SERINC2: variants seen among roughly 807,000 people sequenced by gnomAD.
SERINC2 encodes the protein tumor differentially expressed protein 2.
In SERINC2, 56 loss-of-function variants were observed where a neutral mutation model predicts 54.2. That is an observed-to-expected ratio of 1.03 (90% CI 0.83 to 1.29). The LOEUF (loss-of-function observed/expected upper bound fraction) is 1.29, where lower values mean the gene tolerates loss of function less well. Among genes scored for constraint, SERINC2 ranks in the 50% most tolerant of loss-of-function variants. The pLI is 0.00. For missense variants in SERINC2, 614 were observed against 607.4 expected (o/e 1.01, Z -0.12); for synonymous variants, 272 against 253.1 (o/e 1.07, Z -0.71).
In SERINC2 at chr1:31,426,841, C is replaced by T; in HGVS notation, c.780+18C>T. On this transcript the variant is annotated intron_variant, in intron 6 of 9. Coordinates refer to ENST00000373709, the MANE Select transcript of SERINC2 (RefSeq NM_178865.5). Reference sequence around the variant, plus strand: ...AGGTCCAGGTGAGCCTGCCTGACCCCCCCTGGCCTGAAGCCCGGCCCCTTA... The same window carrying T: ...AGGTCCAGGTGAGCCTGCCTGACCCTCCCTGGCCTGAAGCCCGGCCCCTTA... 5.6e-6 allele frequency: 9 copies of T among 1,608,358 alleles called. No individual in the cohort carries two copies. The highest frequency in any genetic ancestry group is 7.7e-6 in the Non-Finnish European group (9 of 1,176,110).
chr1:31,423,880 G>A lies in SERINC2; in HGVS notation c.201+26G>A, dbSNP rs201204224. The A allele has an allele frequency of 1.9e-4, 301 of 1,606,908 alleles. 2 individuals are homozygous for A. The East Asian group carries it at 5.7e-3, about 30-fold the overall frequency. ...GTGAGTGCCCCAGGGGAGGCAGGGC[G>A]GCCTCCAGCGAGGGGCGTCAGTGGC... On this transcript the variant is annotated intron_variant, in intron 2 of 9. Transcript: ENST00000373709.
At chr1:31,433,995 A>G in intron 9 of SERINC2, 69 bp from the exon 10 acceptor site, 1 of 1,537,012 alleles carries the variant, frequency 6.5e-7, no homozygotes, top group South Asian at 1.2e-5. Flanking sequence ...ACTGGGACAT[A>G]AGGCCAGGGG....
At chr1:31,430,751 A>G (rs1553134336) in intron 8 of SERINC2, among the ~76,000 whole-genome samples, 2 of 152,184 alleles carry the variant, frequency 1.3e-5, no homozygotes, top group African/African-American at 4.8e-5. Flanking sequence ...TCATAAGATT[A>G]GGTTTAATTA....
At chr1:31,410,189 CT>C (rs1640624596), upstream of SERINC2, 10 of 1,437,252 alleles carry the variant, frequency 7.0e-6, no homozygotes, top group Non-Finnish European at 9.1e-6. Context: ...CACATAGCTG[CT>C]GACTGTGACT....
chr1:31,422,096 T>C (rs1380946571), intron 1 of SERINC2, among the ~76,000 whole-genome samples: 1 of 151,946 alleles, frequency 6.6e-6, no homozygotes, highest in East Asian at 1.9e-4. Flanking sequence ...CCCAGGAGTT[T>C]GAGACCAGTC....
Position 31,428,990 on chromosome 1 carries a change from A to T in SERINC2, c.793A>T (p.Asn265Tyr), listed in dbSNP as rs1252961341. 6.2e-7 allele frequency: 1 copy of T among 1,613,776 alleles called. No homozygotes were observed. Among genetic ancestry groups the T allele is most frequent in the Non-Finnish European group, 8.5e-7 (1 of 1,179,950 alleles). Residue 265 changes from asparagine to tyrosine, a missense_variant, in exon 7 of 10, where the codon AAC becomes TAC. Asn to Tyr is a moderately radical substitution (Grantham distance 143, BLOSUM62 -2). Coordinates refer to ENST00000373709, the MANE Select transcript of SERINC2 (RefSeq NM_178865.5). ...VLPKVQDAQPNSGLLQASVIT... is the reference protein window; with the variant it reads ...VLPKVQDAQPYSGLLQASVIT... ...GTCCTCTTGCCAGGACGCCCAGCCC[A>T]ACTCGGGTCTGCTGCAGGCCTCGGT...
upstream of SERINC2, chr1:31,410,346 CAGAT>C (rs1553131322): frequency 6.5e-7 from 1 of 1,547,576 alleles, no homozygotes; most frequent in Admixed American, 2.0e-5. Context: ...GTAGTCCCCT[CAGAT>C]AGCTGGGGTA....
chr1:31,429,787 G>A (rs1247369526), intron 8 of SERINC2, among the ~76,000 whole-genome samples: 3 of 152,184 alleles, frequency 2.0e-5, no homozygotes, highest in African/African-American at 7.2e-5. Context: ...GTTCAGTTGG[G>A]TGCAGACGGC....
chr1:31,413,790 G>C lies in SERINC2; in HGVS notation c.39+486G>C. On this transcript the variant is annotated intron_variant, in intron 1 of 9. Transcript: ENST00000373709. The surrounding 1 kb of genome is among the most constrained non-coding windows in gnomAD (Gnocchi z 5.0). ...GCCTGCCAGTCCGCCTGTTCCTGTC[G>C]CTCGGGCTCCGCCTGTCCGTTCGTA... The C allele has an allele frequency of 7.3e-7, 1 of 1,375,616 alleles. No individual in the cohort carries two copies. 85.2% of individuals were successfully genotyped at this position (1,375,616 alleles called of 1,614,324 possible).
At chr1:31,426,984 G>A (rs571223001) in intron 6 of SERINC2, among the ~76,000 whole-genome samples, 161 bp downstream of exon 6, 2 of 152,200 alleles carry the variant, frequency 1.3e-5, no homozygotes. Context: ...AGGCTCTCAC[G>A]GCTTCATGCT....
At chr1:31,420,737 T>G (rs992092190) in intron 1 of SERINC2, among the ~76,000 whole-genome samples, 19 of 152,120 alleles carry the variant, frequency 1.2e-4, no homozygotes, top group Non-Finnish European at 1.5e-5. Flanking sequence ...GTTTTCCCAT[T>G]TGAAAATGGA....
chr1:31,412,799 G>A (rs886431372), upstream of SERINC2, among the ~76,000 whole-genome samples: 2 of 152,222 alleles, frequency 1.3e-5, no homozygotes, highest in Non-Finnish European at 2.9e-5. Flanking sequence ...TAGAGGTGCA[G>A]TGACTTGCCG....
At chr1:31,421,149 G>A (rs1476658083) in intron 1 of SERINC2, among the ~76,000 whole-genome samples, 4 of 152,168 alleles carry the variant, frequency 2.6e-5, no homozygotes, top group East Asian at 1.9e-4. Flanking sequence ...ATAGGAGTGC[G>A]AACCCTATTG....
intron 6 of SERINC2, among the ~76,000 whole-genome samples, chr1:31,427,615 AG>A (rs1387898318): frequency 3.9e-5 from 6 of 152,092 alleles, no homozygotes; most frequent in Non-Finnish European, 8.8e-5. Context: ...TATGGCTGTG[AG>A]GAAGGGGAGG....
chr1:31,434,040 C>T (rs1461634507), intron 9 of SERINC2, 24 bp from the exon 10 acceptor site: 19 of 1,611,436 alleles, frequency 1.2e-5, no homozygotes, highest in Admixed American at 1.7e-5. Flanking sequence ...GCACCAGGCT[C>T]ATGGGGAAGA....
At position 31,425,865 on chromosome 1, in the gene SERINC2, C is replaced by T. The variant is rs143048000; in HGVS notation, c.562C>T (p.Arg188Trp). The change falls in exon 5 of 10, where the codon CGG becomes TGG. Residue 188 changes from arginine to tryptophan, a missense_variant. By Grantham distance (101) the Arg-to-Trp change is moderately radical. Coordinates refer to ENST00000373709, the MANE Select transcript of SERINC2 (RefSeq NM_178865.5). ...CGACTTTGCGCACTCCTGGAACCAG[C>T]GGTGGCTGGGCAAGGCCGAGGAGTG... ...LIDFAHSWNQ[R>W]WLGKAEECDS... 316 of 1,613,312 alleles carry T rather than the reference C, an allele frequency of 2.0e-4. 1 individual carries two copies. Among genetic ancestry groups the T allele is most frequent in the South Asian group, 5.4e-4 (49 of 91,070 alleles).
intron 1 of SERINC2, among the ~76,000 whole-genome samples, chr1:31,423,364 C>T (rs574182431): frequency 1.3e-5 from 2 of 152,170 alleles, no homozygotes; most frequent in South Asian, 2.1e-4. Context: ...CGAAGGTAAT[C>T]GGTGACAGCT....
chr1:31,432,991 G>A lies in SERINC2; in HGVS notation c.1038G>A (p.Gln346=), dbSNP rs1461701239. ...GTCTGCGCTCCTCAGACCACCGGCA[G>A]GTGAACAGCCTGATGCAGACCGAGG... is the stretch of plus-strand genomic sequence containing the variant. The part of the protein sequence containing the change: ...FISLRSSDHR[Q]VNSLMQTEEC... The change falls in exon 9 of 10, where the codon CAG becomes CAA. Residue 346 remains glutamine, a synonymous_variant. Transcript: ENST00000373709. The A allele has an allele frequency of 1.2e-6, 2 of 1,612,100 alleles. No homozygotes were observed. Among genetic ancestry groups the A allele is most frequent in the Non-Finnish European group, 1.7e-6 (2 of 1,179,732 alleles).
At chr1:31,432,174 T>TAGGATGGTTAGGGTGGAG (rs1641307113) in intron 8 of SERINC2, among the ~76,000 whole-genome samples, 1 of 24,320 alleles carries the variant, frequency 4.1e-5, no homozygotes, top group African/African-American at 7.8e-5. Flanking sequence ...ATAGGGTGGA[T>TAGGATGGTTAGGGTGGAG]AGGGTGGATA....
Sources: allele counts gnomAD v4.1 joint callset (sites outside exome capture counted in the v4.1 genomes callset), GRCh38; gene constraint gnomAD v4.1.1; non-coding constraint Gnocchi (gnomAD v3.1); transcripts MANE v1.5; gene names NCBI Gene and HGNC (gene_info 2026-07-23, HGNC 2026-07-21).